Variants in RORB observed in about 807,000 individuals in gnomAD.
RORB encodes RAR related orphan receptor B, also known as nuclear receptor ROR-beta.
In RORB, 6 loss-of-function variants were observed where a neutral mutation model predicts 59.1. The observed-to-expected ratio is 0.10, with a 90% CI of 0.06 to 0.20. The LOEUF is 0.20. RORB is among the 10% of genes least tolerant of loss of function. RORB has a pLI of 1.00. For missense variants in RORB, 320 were observed against 560.5 expected (o/e 0.57, Z 4.33); for synonymous variants, 215 against 204.5 (o/e 1.05, Z -0.44).
chr9:74,633,461 T>A (rs1343613839), intron 2 of RORB, among the ~76,000 whole-genome samples: 1 of 152,192 alleles, frequency 6.6e-6, no homozygotes, highest in Non-Finnish European at 1.5e-5. Context: ...CTATGGGATA[T>A]CTCTTCCCAA....
chr9:74,665,665 G>T, intron 7 of RORB, 70 bp downstream of exon 7: 1 of 974,396 alleles, frequency 1.0e-6, no homozygotes, highest in South Asian at 1.4e-5. Flanking sequence ...ATTGAAATTG[G>T]TAAATGAAAT....
chr9:74,574,033 C>T (rs895024133), intron 1 of RORB, among the ~76,000 whole-genome samples: 5 of 152,082 alleles, frequency 3.3e-5, no homozygotes, highest in South Asian at 2.1e-4. Flanking sequence ...GGAACAGAGG[C>T]GCCATTATGA....
chr9:74,617,015 G>A (rs968609974), intron 1 of RORB, among the ~76,000 whole-genome samples: 2 of 151,580 alleles, frequency 1.3e-5, no homozygotes, highest in Non-Finnish European at 2.9e-5. Flanking sequence ...TCCTACGGTA[G>A]AATACCTGGT....
intron 1 of RORB, among the ~76,000 whole-genome samples, chr9:74,529,080 G>T (rs1826196097): frequency 6.6e-6 from 1 of 151,970 alleles, no homozygotes. Flanking sequence ...AAAGAGTAGA[G>T]GAAATATTAT....
At chr9:74,660,946 A>T (rs1299077794) in intron 5 of RORB, among the ~76,000 whole-genome samples, 1 of 152,178 alleles carries the variant, frequency 6.6e-6, no homozygotes, top group Non-Finnish European at 1.5e-5. Flanking sequence ...ATGTCTCCAG[A>T]TACTGCCAAC....
At chr9:74,511,513 A>T (rs1825938869) in intron 1 of RORB, among the ~76,000 whole-genome samples, 1 of 151,666 alleles carries the variant, frequency 6.6e-6, no homozygotes, top group Admixed American at 6.6e-5. Context: ...TGGGAGGCAC[A>T]GTGACCCGGG....
At chr9:74,534,913 C>T (rs573358807) in intron 1 of RORB, among the ~76,000 whole-genome samples, 1 of 152,160 alleles carries the variant, frequency 6.6e-6, no homozygotes, top group African/African-American at 2.4e-5. Flanking sequence ...CCTAATATAG[C>T]AGCAGACAAA....
chr9:74,621,997 C>T (rs1317193580), intron 1 of RORB, among the ~76,000 whole-genome samples: 1 of 152,180 alleles, frequency 6.6e-6, no homozygotes, highest in African/African-American at 2.4e-5. Flanking sequence ...TGACGTCTCT[C>T]CATTCTCTTA....
intron 1 of RORB, among the ~76,000 whole-genome samples, chr9:74,578,277 G>A (rs1406213944): frequency 6.6e-6 from 1 of 152,092 alleles, no homozygotes; most frequent in Non-Finnish European, 1.5e-5. Flanking sequence ...CTAGAAAGGG[G>A]ACAAGATACT....
intron 1 of RORB, among the ~76,000 whole-genome samples, chr9:74,504,652 T>C (rs1246012404): frequency 1.3e-5 from 2 of 152,032 alleles, no homozygotes; most frequent in African/African-American, 2.4e-5. Flanking sequence ...TCCTGGCTAA[T>C]TTAGAGGAAT....
intron 9 of RORB, among the ~76,000 whole-genome samples, chr9:74,675,932 A>G (rs3793518): frequency 0.44 from 67,380 of 152,082 alleles, 16,264 homozygotes; most frequent in East Asian, 0.68. Context: ...TGTTTGAACT[A>G]TAAAGACTGT....
chr9:74,648,831 A>C (rs1823943943), intron 4 of RORB, among the ~76,000 whole-genome samples: 1 of 152,202 alleles, frequency 6.6e-6, no homozygotes, highest in African/African-American at 2.4e-5. Context: ...GTTCATGTAC[A>C]ATCCAATTAA....
intron 1 of RORB, among the ~76,000 whole-genome samples, chr9:74,529,171 A>T (rs540660199): frequency 1.6e-3 from 248 of 152,098 alleles, no homozygotes; most frequent in African/African-American, 5.4e-3. Context: ...TTAGATGATA[A>T]TATCTAATTT....
At chr9:74,682,716 T>G (rs984860989) in intron 9 of RORB, among the ~76,000 whole-genome samples, 10 of 152,208 alleles carry the variant, frequency 6.6e-5, no homozygotes, top group African/African-American at 2.4e-4. Flanking sequence ...AATTCTACAC[T>G]TAGTTCAGAG....
At chr9:74,543,798 A>G (rs1269966213) in intron 1 of RORB, among the ~76,000 whole-genome samples, 1 of 152,022 alleles carries the variant, frequency 6.6e-6, no homozygotes, top group Non-Finnish European at 1.5e-5. Context: ...TTTTCTTTGT[A>G]GTAATGCAAA....
intron 1 of RORB, among the ~76,000 whole-genome samples, chr9:74,614,694 C>T (rs979625003): frequency 9.2e-5 from 14 of 152,072 alleles, no homozygotes; most frequent in African/African-American, 2.7e-4. Context: ...AGAGAAAGAT[C>T]TGAGATTCAT....
intron 2 of RORB, among the ~76,000 whole-genome samples, chr9:74,633,077 G>A (rs771473285): frequency 1.3e-5 from 2 of 152,146 alleles, no homozygotes; most frequent in African/African-American, 2.4e-5. Context: ...TTCCTCACAG[G>A]TTGATCAAGC....
At chr9:74,594,908 CT>C (rs1451877272) in intron 1 of RORB, among the ~76,000 whole-genome samples, 1 of 152,156 alleles carries the variant, frequency 6.6e-6, no homozygotes, top group Non-Finnish European at 1.5e-5. Flanking sequence ...ATATCCTCCC[CT>C]TTTTATGTGT....
chr9:74,550,534 T>G (rs1826591461), intron 1 of RORB, among the ~76,000 whole-genome samples: 1 of 152,222 alleles, frequency 6.6e-6, no homozygotes, highest in Non-Finnish European at 1.5e-5. Context: ...GAGAAGTAGT[T>G]TTTATTTCTA....
Sources: allele counts gnomAD v4.1 joint callset (sites outside exome capture counted in the v4.1 genomes callset), GRCh38; gene constraint gnomAD v4.1.1; transcripts MANE v1.5; gene names NCBI Gene and HGNC (gene_info 2026-07-23, HGNC 2026-07-21).